ATP8A2: variants seen among roughly 807,000 people sequenced by gnomAD.
The protein encoded by ATP8A2 is ATPase phospholipid transporting 8A2.
ATP8A2 carries 100 observed loss-of-function variants against 165.6 expected under a neutral mutation model. The observed-to-expected ratio is 0.60, with a 90% CI of 0.51 to 0.71. The LOEUF (loss-of-function observed/expected upper bound fraction) is 0.71, where lower values mean the gene tolerates loss of function less well. Among genes scored for constraint, ATP8A2 ranks in the 30% least tolerant of loss-of-function variants. The probability of loss-of-function intolerance (pLI) is 0.00; values close to 1 mark genes in which losing one functional copy is unlikely to be tolerated. For synonymous variants in ATP8A2, 543 were observed against 548.8 expected (o/e 0.99, Z 0.15); for missense variants, 1,227 against 1,479.5 (o/e 0.83, Z 2.80).
At chr13:25,813,540 T>C (rs1950934361) in intron 27 of ATP8A2, among the ~76,000 whole-genome samples, 1 of 152,116 alleles carries the variant, frequency 6.6e-6, no homozygotes, top group Non-Finnish European at 1.5e-5. Flanking sequence ...GATGATACGG[T>C]ATATGATAGG....
At chr13:25,478,546 C>A (rs2036060750) in intron 2 of ATP8A2, among the ~76,000 whole-genome samples, 1 of 152,142 alleles carries the variant, frequency 6.6e-6, no homozygotes, top group Admixed American at 6.5e-5. Context: ...CTGACCCATT[C>A]TTTTCTCTTA....
intron 28 of ATP8A2, among the ~76,000 whole-genome samples, chr13:25,833,732 T>C (rs1951535563): frequency 6.6e-6 from 1 of 152,186 alleles, no homozygotes; most frequent in Non-Finnish European, 1.5e-5. Flanking sequence ...AGTAAAATCC[T>C]ACAAGACACT....
intron 25 of ATP8A2, among the ~76,000 whole-genome samples, chr13:25,732,315 C>G (rs2043668734): frequency 1.3e-5 from 2 of 152,180 alleles, no homozygotes; most frequent in African/African-American, 4.8e-5. Context: ...GGGCTTGTGG[C>G]CACGTAGCAA....
intron 7 of ATP8A2, among the ~76,000 whole-genome samples, chr13:25,538,737 T>C (rs2038367974): frequency 6.6e-6 from 1 of 152,242 alleles, no homozygotes; most frequent in Non-Finnish European, 1.5e-5. Context: ...GTTAGGACTA[T>C]AACTTCCTAT....
At chr13:25,577,159 G>A (rs761085088) in intron 20 of ATP8A2, 21 bp downstream of exon 20, 5 of 1,606,852 alleles carry the variant, frequency 3.1e-6, no homozygotes, top group South Asian at 1.1e-5. Context: ...GAGAAGCGTT[G>A]TGCGTAGCGG....
chr13:25,691,482 A>G lies in ATP8A2; in HGVS notation c.2212-7691A>G, dbSNP rs144883239. On this transcript the variant is annotated intron_variant, in intron 24 of 36. Transcript: ENST00000381655. ...TTTGTTTTTCGTTTTTTGGAAATAG[A>G]AACATTTTGTGGGAGGTAGGGATGG... Among the ~76,000 whole-genome samples, 1,178 of 152,314 alleles carry G rather than the reference A, an allele frequency of 7.7e-3. 22 individuals carry two copies. The highest frequency in any genetic ancestry group is 0.043 in the Admixed American group (665 of 15,294).
intron 1 of ATP8A2, among the ~76,000 whole-genome samples, chr13:25,381,754 C>A (rs188546161): frequency 9.9e-5 from 15 of 151,122 alleles, no homozygotes; most frequent in Admixed American, 9.9e-4. Context: ...GCCTTCTACG[C>A]GTGGGTATAG....
At chr13:25,672,321 A>G (rs4770859) in intron 24 of ATP8A2, among the ~76,000 whole-genome samples, 89,662 of 152,012 alleles carry the variant, frequency 0.59, 27,532 homozygotes, top group East Asian at 0.99. Context: ...CCATAGAGAA[A>G]GTATCTTAGG....
intron 33 of ATP8A2, among the ~76,000 whole-genome samples, chr13:25,945,050 T>C (rs1353864126): frequency 6.6e-6 from 1 of 152,142 alleles, no homozygotes; most frequent in Non-Finnish European, 1.5e-5. Context: ...CTCTCACTTA[T>C]GCCTGAGGCC....
At position 25,520,223 on chromosome 13, in the gene ATP8A2, A is replaced by G. The variant is rs151098082; in HGVS notation, c.222-9776A>G. Among the ~76,000 whole-genome samples the G allele has an allele frequency of 6.6e-5, 10 of 152,272 alleles. No individual in the cohort carries two copies. In the East Asian group the frequency reaches 1.9e-3, roughly 29 times the overall value. Reference sequence around the variant, plus strand: ...AACCACCAGTCTGCCCTCTGTCTTCATGAGATCCACTTTTCTGGCTCTCAC... The same window carrying G: ...AACCACCAGTCTGCCCTCTGTCTTCGTGAGATCCACTTTTCTGGCTCTCAC... On this transcript the variant is annotated intron_variant, in intron 2 of 36. Transcript: ENST00000381655.
chr13:25,551,724 T>TCTGTGTTAAC (rs1172465703), intron 11 of ATP8A2, among the ~76,000 whole-genome samples: 1 of 152,180 alleles, frequency 6.6e-6, no homozygotes, highest in African/African-American at 2.4e-5. Flanking sequence ...ATTTTTAAAC[T>TCTGTGTTAAC]CTGTGTTAAA....
intron 30 of ATP8A2, among the ~76,000 whole-genome samples, chr13:25,853,148 G>A (rs183491458): frequency 2.6e-5 from 4 of 151,710 alleles, no homozygotes; most frequent in Non-Finnish European, 5.9e-5. Context: ...CAGCACTTTG[G>A]GGGGCTGAGA....
intron 1 of ATP8A2, among the ~76,000 whole-genome samples, chr13:25,429,159 C>T (rs1010481725): frequency 4.6e-5 from 7 of 151,856 alleles, no homozygotes; most frequent in African/African-American, 1.2e-4. Context: ...CCTGAGGTCA[C>T]GTGTTTGAGA....
intron 24 of ATP8A2, among the ~76,000 whole-genome samples, chr13:25,624,023 T>A (rs2041042428): frequency 6.6e-6 from 1 of 152,124 alleles, no homozygotes; most frequent in Non-Finnish European, 1.5e-5. Flanking sequence ...TAAGCTTGTT[T>A]GTTAGTTAAG....
At chr13:25,572,123 ATCTCTCTCTCTCTC>A (rs10552616) in intron 18 of ATP8A2, among the ~76,000 whole-genome samples, 1 of 149,476 alleles carries the variant, frequency 6.7e-6, no homozygotes, top group South Asian at 2.1e-4. Flanking sequence ...CAGCGTTAAG[ATCTCTCTCTCTCTC>A]TCTCTCTCTC....
intron 24 of ATP8A2, among the ~76,000 whole-genome samples, chr13:25,653,682 A>T (rs1480257629): frequency 6.6e-6 from 1 of 152,154 alleles, no homozygotes; most frequent in Non-Finnish European, 1.5e-5. Flanking sequence ...ACCGCACACA[A>T]TGGGTATTTA....
At chr13:25,426,442 G>T (rs977764095) in intron 1 of ATP8A2, among the ~76,000 whole-genome samples, 5 of 152,084 alleles carry the variant, frequency 3.3e-5, no homozygotes, top group Admixed American at 2.6e-4. Context: ...CTTCCCACCA[G>T]GCTCCACCTC....
chr13:25,892,201 T>G (rs1337222486), intron 33 of ATP8A2, among the ~76,000 whole-genome samples: 2 of 151,858 alleles, frequency 1.3e-5, no homozygotes, highest in East Asian at 3.9e-4. Context: ...ATGGTCTTGA[T>G]CTCCTGACCT....
intron 1 of ATP8A2, among the ~76,000 whole-genome samples, chr13:25,457,831 A>G (rs1294450523): frequency 6.6e-6 from 1 of 152,210 alleles, no homozygotes. Context: ...ATGTCAACTC[A>G]ACAAGAGAGT....
Sources: allele counts gnomAD v4.1 joint callset (sites outside exome capture counted in the v4.1 genomes callset), GRCh38; gene constraint gnomAD v4.1.1; transcripts MANE v1.5; gene names NCBI Gene and HGNC (gene_info 2026-07-23, HGNC 2026-07-21).